Variants in PCDH7 observed in about 807,000 individuals in gnomAD.
PCDH7 encodes protocadherin-7.
Under a neutral mutation model 58.9 loss-of-function variants are expected in PCDH7, and 17 were observed. That is an observed-to-expected ratio of 0.29 (90% CI 0.20 to 0.43). PCDH7 has a LOEUF of 0.43. Ranked by LOEUF, PCDH7 falls within the 20% of genes least tolerant of loss-of-function variation. PCDH7 has a pLI of 1.00. For missense variants in PCDH7, 1,274 were observed against 1,441.0 expected, an observed-to-expected ratio of 0.88 and a Z score of 1.88; for synonymous variants, 664 against 616.4, an observed-to-expected ratio of 1.08 and a Z score of -1.14.
chr4:30,768,989 G>A (rs1411275396), intron 1 of PCDH7, among the ~76,000 whole-genome samples: 1 of 152,200 alleles, frequency 6.6e-6, no homozygotes, highest in Admixed American at 6.5e-5. Context: ...ATATAGATTA[G>A]CAATGATTGT....
intron 1 of PCDH7, among the ~76,000 whole-genome samples, chr4:30,919,887 T>C (rs1248952525): frequency 6.6e-6 from 1 of 152,164 alleles, no homozygotes; most frequent in Admixed American, 6.5e-5. Context: ...AACTAACATA[T>C]CAGATTTAAA....
intron 3 of PCDH7, among the ~76,000 whole-genome samples, chr4:31,124,560 C>T (rs144220276): frequency 5.9e-5 from 9 of 152,256 alleles, no homozygotes; most frequent in African/African-American, 2.2e-4. Flanking sequence ...TGCTCTACTA[C>T]CTTCTTACCT....
At chr4:31,013,310 GTA>G (rs1753336443) in intron 3 of PCDH7, among the ~76,000 whole-genome samples, 1 of 139,000 alleles carries the variant, frequency 7.2e-6, no homozygotes, top group African/African-American at 2.5e-5. Flanking sequence ...GACTATATAT[GTA>G]TACACACACA....
intron 1 of PCDH7, among the ~76,000 whole-genome samples, chr4:30,824,100 TTTC>T (rs1314543951): frequency 9.2e-4 from 106 of 115,480 alleles, no homozygotes; most frequent in Non-Finnish European, 1.6e-3. Flanking sequence ...TCTTTCTTTC[TTTC>T]TTTCTTTCTT....
chr4:30,989,294 A>T (rs1751256647), intron 3 of PCDH7, among the ~76,000 whole-genome samples: 1 of 149,026 alleles, frequency 6.7e-6, no homozygotes, highest in Admixed American at 6.6e-5. Context: ...TTGAAAAACA[A>T]TTTTTTCTCT....
At chr4:30,843,061 CTT>C (rs368453238) in intron 1 of PCDH7, among the ~76,000 whole-genome samples, 11 of 137,050 alleles carry the variant, frequency 8.0e-5, no homozygotes, top group South Asian at 2.4e-4. Flanking sequence ...AAACAAATGA[CTT>C]TTTTTTTTTT....
intron 3 of PCDH7, among the ~76,000 whole-genome samples, chr4:31,007,575 A>G (rs1344195810): frequency 6.7e-6 from 1 of 149,994 alleles, no homozygotes; most frequent in Non-Finnish European, 1.5e-5. Context: ...TCTAGAAGAT[A>G]TGGTTTTATG....
chr4:31,073,292 A>T (rs1469986103), intron 3 of PCDH7, among the ~76,000 whole-genome samples: 1 of 152,182 alleles, frequency 6.6e-6, no homozygotes, highest in Non-Finnish European at 1.5e-5. Flanking sequence ...GATTTATAGC[A>T]CACATAAATA....
chr4:30,789,760 A>G (rs1183820462), intron 1 of PCDH7, among the ~76,000 whole-genome samples: 1 of 152,180 alleles, frequency 6.6e-6, no homozygotes, highest in African/African-American at 2.4e-5. Flanking sequence ...TGAAACCGAG[A>G]TAAGGAAATC....
At chr4:31,070,570 A>G (rs925347065) in intron 3 of PCDH7, among the ~76,000 whole-genome samples, 7 of 152,124 alleles carry the variant, frequency 4.6e-5, no homozygotes, top group African/African-American at 1.2e-4. Flanking sequence ...CATTTGCTCA[A>G]GCAAACCATT....
intron 1 of PCDH7, among the ~76,000 whole-genome samples, chr4:30,739,143 T>A (rs1191233275): frequency 1.4e-5 from 2 of 146,592 alleles, no homozygotes; most frequent in African/African-American, 2.5e-5. Flanking sequence ...TAAAAATATA[T>A]ATATTTTATA....
chr4:30,730,995 C>T, exon 2 of PCDH7: 1 of 1,231,070 alleles, frequency 8.1e-7, no homozygotes, highest in Non-Finnish European at 1.0e-6. Flanking sequence ...AGTATTAATG[C>T]AGAAATGTGC....
rs1732916506 is a variant in PCDH7 at position 30,852,730 on chromosome 4, A to G, written c.71-67423A>G. The stretch of plus-strand genomic sequence containing the variant: ...ACTTTCCTGACAGAATTCCAGCATT[A>G]TTGGCCTCGGATGAGATGGGGGTTA... On this transcript the variant is annotated intron_variant, in intron 1 of 3. Transcript: ENST00000509759. Among the ~76,000 whole-genome samples, 6 of 145,434 alleles carry G rather than the reference A, an allele frequency of 4.1e-5. No homozygotes were observed. The South Asian group carries it at 1.4e-3, about 33-fold the overall frequency.
chr4:30,799,595 T>C (rs973616251), intron 1 of PCDH7, among the ~76,000 whole-genome samples: 2 of 152,202 alleles, frequency 1.3e-5, no homozygotes, highest in Non-Finnish European at 2.9e-5. Context: ...TGTATATTTA[T>C]CTGAATTTTT....
intron 1 of PCDH7, among the ~76,000 whole-genome samples, chr4:30,828,131 A>G (rs1372742681): frequency 1.3e-5 from 2 of 152,084 alleles, no homozygotes; most frequent in Non-Finnish European, 2.9e-5. Flanking sequence ...AAGCCATTGA[A>G]TATGCAGAAG....
Position 30,933,147 on chromosome 4 carries a change from C to T in PCDH7, c.287+12778C>T, listed in dbSNP as rs144403531. ...GTTCAGGCAATTCTCCTGCCTCAGGCTCCCAAGTAGCTGGGACTACAGGCG... is the reference window on the plus strand; with the variant it reads ...GTTCAGGCAATTCTCCTGCCTCAGGTTCCCAAGTAGCTGGGACTACAGGCG... On this transcript the variant is annotated intron_variant, in intron 2 of 3. Coordinates refer to the PCDH7 transcript ENST00000509759. Among the ~76,000 whole-genome samples, 15 of 152,106 alleles carry T rather than the reference C, an allele frequency of 9.9e-5. No individual in the cohort carries two copies. In the East Asian group the frequency reaches 2.3e-3, roughly 24 times the overall value.
At chr4:30,854,463 G>A (rs1578056205) in intron 1 of PCDH7, among the ~76,000 whole-genome samples, 2 of 151,404 alleles carry the variant, frequency 1.3e-5, no homozygotes, top group African/African-American at 4.9e-5. Flanking sequence ...TGGGTTTTTT[G>A]TGGTTTCTTA....
rs58210433 is a variant in PCDH7, at chr4:30,852,829, G to GAAA, written c.71-67302_71-67300dup. Among the ~76,000 whole-genome samples the GAAA allele has an allele frequency of 6.4e-3, 473 of 73,574 alleles. 1 individual carries two copies. Among genetic ancestry groups the GAAA allele is most frequent in the East Asian group, 8.0e-3 (17 of 2,118 alleles). The allele number at this position is 73,574 out of a possible 152,430, so 48.3% of individuals were successfully genotyped here. On this transcript the variant is annotated intron_variant, in intron 1 of 3. Coordinates refer to the PCDH7 transcript ENST00000509759. Reference sequence around the variant, plus strand: ...TCAAACTCAGGTCTATCAAGCACAGGAAAAAAAAAAAAAAAAAAAAAAAAG... The same window carrying GAAA: ...TCAAACTCAGGTCTATCAAGCACAGGAAAAAAAAAAAAAAAAAAAAAAAAAAAG...
chr4:30,846,490 T>G (rs1021641881), intron 1 of PCDH7, among the ~76,000 whole-genome samples: 2 of 151,920 alleles, frequency 1.3e-5, no homozygotes, highest in Non-Finnish European at 2.9e-5. Context: ...TGTGAGTTTT[T>G]TTTTTTTTTA....
Sources: gnomAD v4.1 joint callset for allele counts (sites outside exome capture counted in the v4.1 genomes callset) on GRCh38, gnomAD v4.1.1 for gene constraint, MANE v1.5 for transcripts, NCBI Gene and HGNC (gene_info 2026-07-23, HGNC 2026-07-21) for gene names.